ABR: variants seen among roughly 807,000 people sequenced by gnomAD.
ABR encodes ABR activator of RhoGEF and GTPase.
Under a neutral mutation model 107.2 loss-of-function variants are expected in ABR, and 35 were observed. The ratio of observed to expected loss-of-function variants is 0.33; its 90% CI spans 0.25 to 0.43. The LOEUF is 0.43. ABR is among the 20% of genes least tolerant of loss of function. ABR has a pLI of 1.00. For missense variants in ABR, 815 were observed against 1,115.2 expected (o/e 0.73, Z 3.83); for synonymous variants, 498 against 462.0 (o/e 1.08, Z -1.00).
At position 1,084,898 on chromosome 17, in the gene ABR, A is replaced by C. The variant is rs571154305; in HGVS notation, c.532-1271T>G. Among the ~76,000 whole-genome samples, 6 of 151,366 alleles carry C rather than the reference A, an allele frequency of 4.0e-5. No individual in the cohort carries two copies. Among genetic ancestry groups the C allele is most frequent in the African/African-American group, 1.2e-4 (5 of 40,874 alleles). On this transcript the variant is annotated intron_variant, in intron 4 of 22. Coordinates refer to ENST00000302538, the MANE Select transcript of ABR (RefSeq NM_021962.5). This position sits in a 1 kb window ranked among gnomAD's most constrained non-coding sequence, Gnocchi z 4.2. ...ATCTCGGCTCACCGCAACCTCCCGG[A>C]TTCAAGGGATTCTCCTGCCTCAGCC...
rs1045727985 is a variant in ABR at position 1,010,333 on chromosome 17, C to T, written c.2236+396G>A. On this transcript the variant is annotated intron_variant, in intron 20 of 22. Transcript: ENST00000302538. The surrounding 1 kb of genome is among the most constrained non-coding windows in gnomAD (Gnocchi z 4.1). ...GAGGTGACGGGACGGTGTGTGGTCC[C>T]GCTGGAAGGCTCAGCACAACCCATC... The T allele has an allele frequency of 1.6e-4, 37 of 237,048 alleles. 1 individual carries two copies. The highest frequency in any genetic ancestry group is 1.6e-4 in the Non-Finnish European group (19 of 119,492). The allele number at this position is 237,048 out of a possible 1,614,324, so 14.7% of individuals were successfully genotyped here.
chr17:1,104,878 C>T (rs908641756), intron 2 of ABR, among the ~76,000 whole-genome samples: 17 of 152,306 alleles, frequency 1.1e-4, no homozygotes, highest in Admixed American at 1.0e-3. Flanking sequence ...AGGTCTTAGG[C>T]AGGCACCATA....
chr17:1,058,136 C>CTT (rs71148422), intron 11 of ABR, 91 bp from the exon 12 acceptor site: 114,218 of 312,974 alleles, frequency 0.36, 19,456 homozygotes, highest in African/African-American at 0.59. Flanking sequence ...CTCCTTTTAT[C>CTT]TTTTTTTTTT....
intron 10 of ABR, among the ~76,000 whole-genome samples, chr17:1,061,000 A>AAAAAAAAC (rs1286273283): frequency 2.0e-5 from 3 of 152,128 alleles, no homozygotes; most frequent in Non-Finnish European, 4.4e-5. Context: ...TCCATCTCAA[A>AAAAAAAAC]AAAAAACAAA....
chr17:1,065,902 C>T (rs567172994), intron 10 of ABR, among the ~76,000 whole-genome samples: 1 of 152,132 alleles, frequency 6.6e-6, no homozygotes, highest in African/African-American at 2.4e-5. Flanking sequence ...GAAGCCACCA[C>T]GCCAGGCTAA....
At chr17:1,012,018 GC>G in intron 18 of ABR, 33 bp from the exon 19 acceptor site, 1 of 1,609,028 alleles carries the variant, frequency 6.2e-7, no homozygotes, top group Non-Finnish European at 8.5e-7. Context: ...GTGGAGGGCA[GC>G]CCCCACGACA....
At chr17:1,042,602 T>C (rs1415206972) in intron 16 of ABR, among the ~76,000 whole-genome samples, 4 of 124,646 alleles carry the variant, frequency 3.2e-5, no homozygotes, top group Admixed American at 7.6e-5. Flanking sequence ...GACGGATGGA[T>C]GGACGAAGAG....
At chr17:1,135,837 C>T (rs1490194566) in intron 1 of ABR, among the ~76,000 whole-genome samples, 1 of 152,094 alleles carries the variant, frequency 6.6e-6, no homozygotes, top group East Asian at 1.9e-4. Flanking sequence ...GATTGGGCCA[C>T]TGCACTCCAG....
In ABR at chr17:1,005,756, T is replaced by C. The variant is rs2069975702; in HGVS notation, c.*324A>G. 2.6e-6 allele frequency: 1 copy of C among 387,180 alleles called. No homozygotes were observed. Among genetic ancestry groups the C allele is most frequent in the Non-Finnish European group, 4.7e-6 (1 of 210,964 alleles). The allele number at this position is 387,180 out of a possible 1,614,324, so 24.0% of individuals were successfully genotyped here. On this transcript the variant is annotated 3_prime_UTR_variant, in exon 23 of 23. Coordinates refer to ENST00000302538, the MANE Select transcript of ABR (RefSeq NM_021962.5). The stretch of plus-strand genomic sequence containing the variant: ...GAGGAAATGAAAGAACAAAGCGGGC[T>C]GTCTGTGTGCCCACGCCGGGCCGGT...
At chr17:1,079,265 C>T in intron 6 of ABR, 65 bp downstream of exon 6, 1 of 1,577,960 alleles carries the variant, frequency 6.3e-7, no homozygotes. Context: ...CGCGTTCACG[C>T]AGCCTGTTGC....
At chr17:1,180,806 C>T (rs1263774391), upstream of ABR, among the ~76,000 whole-genome samples, 1 of 152,230 alleles carries the variant, frequency 6.6e-6, no homozygotes, top group Non-Finnish European at 1.5e-5. Context: ...AGATTGGGGG[C>T]CCCATGCCTG....
At chr17:1,056,179 C>G (rs1334958750) in intron 13 of ABR, 70 bp from the exon 14 acceptor site, 1 of 1,358,104 alleles carries the variant, frequency 7.4e-7, no homozygotes, top group Admixed American at 1.7e-5. Context: ...CCCAGGCCGG[C>G]GGGAGGCAGA....
At chr17:1,156,653 C>T (rs1433485745) in intron 1 of ABR, among the ~76,000 whole-genome samples, 3 of 151,826 alleles carry the variant, frequency 2.0e-5, no homozygotes, top group South Asian at 2.1e-4. Context: ...CACTGCACTC[C>T]AGCCTGGGTG....
chr17:1,226,037 C>T (rs1285444456), intron 1 of ABR, among the ~76,000 whole-genome samples: 1 of 152,174 alleles, frequency 6.6e-6, no homozygotes, highest in Non-Finnish European at 1.5e-5. Flanking sequence ...ATAATACTCG[C>T]CGTGTCCAAT....
rs1387299719 is a variant in ABR at position 1,154,672 on chromosome 17, C to T, written c.61+24995G>A. 2 of 151,670 alleles carry T rather than the reference C, an allele frequency of 1.3e-5. No individual in the cohort carries two copies. Among genetic ancestry groups the T allele is most frequent in the Non-Finnish European group, 2.9e-5 (2 of 68,014 alleles). The allele number at this position is 151,670 out of a possible 1,614,324, so 9.4% of individuals were successfully genotyped here. On this transcript the variant is annotated intron_variant, in intron 1 of 22. Transcript: ENST00000302538. The surrounding 1 kb of genome is among the most constrained non-coding windows in gnomAD (Gnocchi z 4.0). Reference sequence around the variant, plus strand: ...TGCCTGCCCGCCCACCCCCCACACACTGCGGACACAGGGAAGGAAGCCACA... The same window carrying T: ...TGCCTGCCCGCCCACCCCCCACACATTGCGGACACAGGGAAGGAAGCCACA...
rs534813900 is a variant in ABR at position 1,014,399 on chromosome 17, C to T, written c.1792-1235G>A. 3.2e-3 allele frequency among the ~76,000 whole-genome samples: 477 copies of T among 147,168 alleles called. 1 individual carries two copies. Among genetic ancestry groups the T allele is most frequent in the Admixed American group, 6.0e-3 (88 of 14,668 alleles). Reference sequence around the variant, plus strand: ...GAGCTTGCAGTGAGCCGAGATCGCGCCACTGCACTCCAGCCTGGGCGACAG... The same window carrying T: ...GAGCTTGCAGTGAGCCGAGATCGCGTCACTGCACTCCAGCCTGGGCGACAG... On this transcript the variant is annotated intron_variant, in intron 16 of 22. Transcript: ENST00000302538.
chr17:1,194,090 A>G (rs12450044), intron 1 of ABR, among the ~76,000 whole-genome samples: 92,748 of 151,980 alleles, frequency 0.61, 29,971 homozygotes, highest in East Asian at 0.85. Flanking sequence ...GAAATCTGAC[A>G]AGCTCCTGGG....
chr17:1,124,237 T>TG (rs1270180005), intron 2 of ABR, among the ~76,000 whole-genome samples: 3 of 110,946 alleles, frequency 2.7e-5, no homozygotes, highest in East Asian at 2.3e-4. Context: ...TCAGCTGGGG[T>TG]GGGGGGGCAC....
chr17:1,050,040 C>T lies in ABR; in HGVS notation c.1791+10G>A, dbSNP rs199938179. On this transcript the variant is annotated intron_variant, in intron 16 of 22. Coordinates refer to ENST00000302538, the MANE Select transcript of ABR (RefSeq NM_021962.5). The surrounding 1 kb of genome is among the most constrained non-coding windows in gnomAD (Gnocchi z 4.6). The stretch of plus-strand genomic sequence containing the variant: ...GCTCCCTCAGCCTCGCCCCGGCGCC[C>T]TGGCCTCACCTGGATCTGTCCTTTG... The T allele has an allele frequency of 2.1e-4, 344 of 1,612,432 alleles. No individual in the cohort carries two copies. The highest frequency in any genetic ancestry group is 2.8e-4 in the Non-Finnish European group (331 of 1,179,480).
Sources: gnomAD v4.1 joint callset for allele counts (sites outside exome capture counted in the v4.1 genomes callset) on GRCh38, gnomAD v4.1.1 for gene constraint, Gnocchi (gnomAD v3.1) non-coding constraint, MANE v1.5 for transcripts, NCBI Gene and HGNC (gene_info 2026-07-23, HGNC 2026-07-21) for gene names.